Variants in XXYLT1 observed in about 807,000 individuals in gnomAD.
XXYLT1 encodes UDP-xylose:alpha-xyloside alpha-1,3-xylosyltransferase.
A neutral mutation model predicts 28.9 loss-of-function variants in XXYLT1; 20 were observed. The ratio of observed to expected loss-of-function variants is 0.69; its 90% CI spans 0.49 to 1.00. The LOEUF (loss-of-function observed/expected upper bound fraction) is 1.00, where lower values mean the gene tolerates loss of function less well. XXYLT1 is among the 50% of genes least tolerant of loss of function. The pLI is 0.00. For missense variants in XXYLT1, 542 were observed against 560.1 expected (o/e 0.97, Z 0.33); for synonymous variants, 257 against 253.8 (o/e 1.01, Z -0.12).
intron 1 of XXYLT1, among the ~76,000 whole-genome samples, chr3:195,237,092 G>A (rs1035891304): frequency 3.3e-5 from 5 of 152,150 alleles, no homozygotes; most frequent in Non-Finnish European, 7.4e-5. Flanking sequence ...GAGCCACCCT[G>A]GCTGGTGTCT....
At chr3:195,251,916 G>C (rs983356633) in intron 1 of XXYLT1, among the ~76,000 whole-genome samples, 3 of 152,132 alleles carry the variant, frequency 2.0e-5, no homozygotes. Flanking sequence ...CACATTGTTC[G>C]CCTGGGTGTT....
chr3:195,238,738 A>G (rs952690524), intron 1 of XXYLT1, among the ~76,000 whole-genome samples: 3 of 152,068 alleles, frequency 2.0e-5, no homozygotes, highest in Non-Finnish European at 2.9e-5. Flanking sequence ...AGTCCCCGAA[A>G]TGCCTTCTCC....
chr3:195,226,371 A>G (rs1724051473), intron 2 of XXYLT1, among the ~76,000 whole-genome samples: 1 of 152,220 alleles, frequency 6.6e-6, no homozygotes, highest in Non-Finnish European at 1.5e-5. Context: ...AGGATCATCT[A>G]ATCCAACCCA....
rs192066130 is a variant in XXYLT1 at position 195,180,244 on chromosome 3, C to G, written c.653-23663G>C. 3 of 886,430 alleles carry G rather than the reference C, an allele frequency of 3.4e-6. No individual in the cohort carries two copies. Among genetic ancestry groups the G allele is most frequent in the African/African-American group, 3.6e-5 (2 of 55,148 alleles). 54.9% of individuals were successfully genotyped at this position (886,430 alleles called of 1,614,324 possible). A position where few individuals can be genotyped will look rare whatever the true frequency, so the allele number is the denominator to read the frequency against. On this transcript the variant is annotated intron_variant, in intron 2 of 3. Coordinates refer to ENST00000310380, the MANE Select transcript of XXYLT1 (RefSeq NM_152531.5). This position sits in a 1 kb window ranked among gnomAD's most constrained non-coding sequence, Gnocchi z 5.8. The stretch of plus-strand genomic sequence containing the variant: ...CAGATCCCCGTCTCTGCACTGACAC[C>G]GGGGGTGGTGAGTGGCACACTCGGT...
In XXYLT1 at chr3:195,168,094, G is replaced by C. The variant is rs549326487; in HGVS notation, c.653-11513C>G. ...GAGGGATTTTAGGCAAGCGTGAGTAGGTAGGGCCCTGGGATAGAGCCGTGG... is the reference window on the plus strand; with the variant it reads ...GAGGGATTTTAGGCAAGCGTGAGTACGTAGGGCCCTGGGATAGAGCCGTGG... On this transcript the variant is annotated intron_variant, in intron 2 of 3. Transcript: ENST00000310380. The surrounding 1 kb of genome is among the most constrained non-coding windows in gnomAD (Gnocchi z 4.3). Among the ~76,000 whole-genome samples the C allele has an allele frequency of 2.1e-4, 32 of 152,298 alleles. No homozygotes were observed. Among genetic ancestry groups the C allele is most frequent in the African/African-American group, 5.1e-4 (21 of 41,570 alleles).
rs574996035 is a variant in XXYLT1, at chr3:195,125,454, G to A, written c.785+30995C>T. On this transcript the variant is annotated intron_variant, in intron 3 of 3. Coordinates refer to ENST00000310380, the MANE Select transcript of XXYLT1 (RefSeq NM_152531.5). ...GGAGGGCAGCCCTAGCCTGTCCACC[G>A]GAGGGGCGTAGGAAGGAGCTCACAA... Among the ~76,000 whole-genome samples, 16 of 152,334 alleles carry A rather than the reference G, an allele frequency of 1.1e-4. No homozygotes were observed. The East Asian group carries it at 1.9e-3, about 18-fold the overall frequency.
chr3:195,213,927 G>C (rs748075166), intron 2 of XXYLT1, among the ~76,000 whole-genome samples: 1 of 152,184 alleles, frequency 6.6e-6, no homozygotes, highest in Non-Finnish European at 1.5e-5. Flanking sequence ...GGAGTCACGA[G>C]GGGTTTAGGC....
At chr3:195,245,604 G>A (rs536572206) in intron 1 of XXYLT1, among the ~76,000 whole-genome samples, 29 of 152,290 alleles carry the variant, frequency 1.9e-4, no homozygotes, top group Non-Finnish European at 3.1e-4. Flanking sequence ...CGTGGGAGTG[G>A]GAAGAGGCAG....
At chr3:195,232,561 A>G (rs1724347685) in intron 1 of XXYLT1, among the ~76,000 whole-genome samples, 1 of 152,042 alleles carries the variant, frequency 6.6e-6, no homozygotes, top group Non-Finnish European at 1.5e-5. Context: ...TGTATTTCAT[A>G]GGTTTTGGTA....
At chr3:195,117,354 A>T (rs1048001110) in intron 3 of XXYLT1, among the ~76,000 whole-genome samples, 4 of 152,244 alleles carry the variant, frequency 2.6e-5, no homozygotes, top group African/African-American at 9.6e-5. Context: ...TATGGACTAC[A>T]TTAGCAGAAT....
rs1439866974 is a variant in XXYLT1, at chr3:195,109,719, T to C, written c.786-39608A>G. Among the ~76,000 whole-genome samples, 4 of 71,532 alleles carry C rather than the reference T, an allele frequency of 5.6e-5. 1 individual carries two copies. The East Asian group carries it at 1.3e-3, about 22-fold the overall frequency. 46.9% of individuals were successfully genotyped at this position (71,532 alleles called of 152,430 possible). On this transcript the variant is annotated intron_variant, in intron 3 of 3. Transcript: ENST00000310380. ...GTGTCTGGTGTGTGTGGTGTATGAG[T>C]GTGCGTGTGTGTGGTGTATGTGTTC...
chr3:195,166,125 G>A (rs1430582534), intron 2 of XXYLT1, among the ~76,000 whole-genome samples: 3 of 151,774 alleles, frequency 2.0e-5, no homozygotes, highest in Admixed American at 1.3e-4. Context: ...CCTTCCCATG[G>A]AGCAGAAGTC....
chr3:195,253,107 C>G (rs1192364225), intron 1 of XXYLT1, among the ~76,000 whole-genome samples: 3 of 152,138 alleles, frequency 2.0e-5, no homozygotes. Context: ...GGCACTGCAC[C>G]CCAGCTGCCC....
intron 2 of XXYLT1, among the ~76,000 whole-genome samples, chr3:195,172,754 G>T (rs1172738466): frequency 1.3e-5 from 2 of 152,160 alleles, no homozygotes; most frequent in Non-Finnish European, 2.9e-5. Flanking sequence ...AGTCAGGGAA[G>T]GGCTTTTCAA....
chr3:195,171,286 T>C (rs79538908), intron 2 of XXYLT1, among the ~76,000 whole-genome samples: 6,194 of 152,308 alleles, frequency 0.041, 436 homozygotes, highest in African/African-American at 0.14. Flanking sequence ...GAGGGCAGGT[T>C]CTGAACGGCC....
At chr3:195,142,320 T>G (rs576029562) in intron 3 of XXYLT1, among the ~76,000 whole-genome samples, 6 of 152,228 alleles carry the variant, frequency 3.9e-5, no homozygotes, top group Non-Finnish European at 5.9e-5. Flanking sequence ...CTTACTATGG[T>G]GGGCAGGCAG....
chr3:195,266,112 G>C (rs139580755), intron 1 of XXYLT1, among the ~76,000 whole-genome samples: 1 of 152,292 alleles, frequency 6.6e-6, no homozygotes, highest in Non-Finnish European at 1.5e-5. Flanking sequence ...AGGAAGCTCA[G>C]CCACTGCTGT....
At chr3:195,246,992 A>G (rs1448437347) in intron 1 of XXYLT1, among the ~76,000 whole-genome samples, 2 of 152,202 alleles carry the variant, frequency 1.3e-5, no homozygotes, top group East Asian at 1.9e-4. Flanking sequence ...GGCACTCACT[A>G]AAGAATACTC....
At chr3:195,108,538 G>T (rs1227594860) in intron 3 of XXYLT1, among the ~76,000 whole-genome samples, 1 of 152,232 alleles carries the variant, frequency 6.6e-6, no homozygotes, top group Non-Finnish European at 1.5e-5. Flanking sequence ...TTTGCTCTGA[G>T]AAATGCATTG....
Sources: gnomAD v4.1 joint callset for allele counts (sites outside exome capture counted in the v4.1 genomes callset) on GRCh38, gnomAD v4.1.1 for gene constraint, Gnocchi (gnomAD v3.1) non-coding constraint, MANE v1.5 for transcripts, NCBI Gene and HGNC (gene_info 2026-07-23, HGNC 2026-07-21) for gene names.